The following KARS1 variants were observed in gnomAD, a reference collection of about 807,000 sequenced individuals.
KARS1 encodes the protein lysine--tRNA ligase.
Under a neutral mutation model 63.9 loss-of-function variants are expected in KARS1, and 50 were observed. That is an observed-to-expected ratio of 0.78 (90% confidence interval 0.62 to 0.99). The LOEUF is 0.99. KARS1 is among the 50% of genes least tolerant of loss of function. The pLI, the probability that KARS1 is intolerant of heterozygous loss-of-function variation, is 0.00. For missense variants in KARS1, 816 were observed against 754.5 expected (o/e 1.08, Z -0.95); for synonymous variants, 320 against 264.6 (o/e 1.21, Z -2.03).
chr16:75,645,957 T>G (rs2082278161), intron 1 of KARS1, among the ~76,000 whole-genome samples: 1 of 151,980 alleles, frequency 6.6e-6, no homozygotes, highest in Non-Finnish European at 1.5e-5. Flanking sequence ...TATACAGTCC[T>G]AAAGTTCAAT....
chr16:75,641,453 AG>A, intron 2 of KARS1, 110 bp downstream of exon 2: 1 of 876,334 alleles, frequency 1.1e-6, no homozygotes, highest in Non-Finnish European at 1.8e-6. Context: ...TATCCCTGGC[AG>A]TGACCTCAGG....
chr16:75,629,624 G>C (rs190496099), intron 11 of KARS1, 83 bp from the exon 12 acceptor site: 2 of 1,431,544 alleles, frequency 1.4e-6, no homozygotes, highest in East Asian at 2.4e-5. Flanking sequence ...TTTTGAGACG[G>C]AGTCTCGCTC....
intron 13 of KARS1, 152 bp downstream of exon 13, chr16:75,628,417 G>T: frequency 2.4e-6 from 2 of 846,050 alleles, no homozygotes; most frequent in Non-Finnish European, 3.9e-6. Flanking sequence ...CAGAGGCTCT[G>T]GCCCTCCTGT....
At position 75,634,280 on chromosome 16, in the gene KARS1, T is replaced by A. The variant is rs953600279; in HGVS notation, c.808A>T (p.Met270Leu). The change falls in exon 7 of 14, where the codon ATG becomes TTG. Residue 270 changes from methionine (M) to leucine (L), a missense_variant. By Grantham distance (15) the Met-to-Leu change is conservative. Coordinates refer to ENST00000302445, the MANE Select transcript of KARS1 (RefSeq NM_005548.3). Reference protein sequence around the residue: ...ELGFLEIETPMMNIIPGGAVA... With the variant: ...ELGFLEIETPLMNIIPGGAVA... Reference sequence around the variant, plus strand: ...GCTCCCCCTGGGATGATGTTCATCATGGGAGTTTCAATCTAAAAAAGGCAG... The same window carrying A: ...GCTCCCCCTGGGATGATGTTCATCAAGGGAGTTTCAATCTAAAAAAGGCAG... 6.2e-7 allele frequency: 1 copy of A among 1,614,038 alleles called. No homozygotes were observed. The highest frequency in any genetic ancestry group is 8.5e-7 in the Non-Finnish European group (1 of 1,179,930).
At chr16:75,632,208 T>C (rs2082122186) in intron 7 of KARS1, among the ~76,000 whole-genome samples, 2 of 152,168 alleles carry the variant, frequency 1.3e-5, no homozygotes, top group Admixed American at 1.3e-4. Flanking sequence ...GCTAATCTTG[T>C]ATTAACAGCT....
At chr16:75,631,294 C>T (rs372028053) in intron 9 of KARS1, 41 bp from the exon 10 acceptor site, 7 of 1,592,538 alleles carry the variant, frequency 4.4e-6, no homozygotes, top group African/African-American at 2.7e-5. Flanking sequence ...AGACATCACA[C>T]TAGCCAAGTA....
intron 7 of KARS1, among the ~76,000 whole-genome samples, chr16:75,632,819 G>C (rs1234180056): frequency 6.6e-6 from 1 of 152,176 alleles, no homozygotes; most frequent in Non-Finnish European, 1.5e-5. Flanking sequence ...GGAAATATTG[G>C]GGAAAGTTAT....
intron 3 of KARS1, among the ~76,000 whole-genome samples, chr16:75,638,984 A>G (rs1442452198): frequency 2.0e-5 from 3 of 151,858 alleles, no homozygotes; most frequent in Non-Finnish European, 4.4e-5. Context: ...CCTGGCCAAC[A>G]TGGTGAAACT....
intron 9 of KARS1, 28 bp from the exon 10 acceptor site, chr16:75,631,281 A>C: frequency 6.2e-7 from 1 of 1,601,982 alleles, no homozygotes; most frequent in South Asian, 1.1e-5. Context: ...AAGTTAGGGC[A>C]GGAGACATCA....
chr16:75,632,867 TACGTAGCTTGTAATAACTGAACAGGCTG>T (rs1392065930), intron 7 of KARS1, among the ~76,000 whole-genome samples: 1 of 152,176 alleles, frequency 6.6e-6, no homozygotes, highest in Non-Finnish European at 1.5e-5. Flanking sequence ...GCCGAAAGGT[TACGTAGCTTGTAATAACTGAACAGGCTG>T]AAGGCAGCCA....
At chr16:75,631,925 T>C in intron 7 of KARS1, 70 bp from the exon 8 acceptor site, 4 of 1,582,230 alleles carry the variant, frequency 2.5e-6, no homozygotes, top group Non-Finnish European at 3.5e-6. Flanking sequence ...TTTGCTCTTG[T>C]TGCCTAGGCT....
chr16:75,628,634 T>C lies in KARS1; in HGVS notation c.1630A>G (p.Thr544Ala). 1 of 1,614,048 alleles carries C rather than the reference T, an allele frequency of 6.2e-7. No individual in the cohort carries two copies. The highest frequency in any genetic ancestry group is 1.1e-5 in the South Asian group (1 of 91,082). ...TCAATGCCCATGCCCCAGCCAGCTG[T>C]GGGGGGCAGCCCATATTCCAGGGCA... is the stretch of plus-strand genomic sequence containing the variant. ...CTALEYGLPPTAGWGMGIDRV... is the reference protein window; with the variant it reads ...CTALEYGLPPAAGWGMGIDRV... Residue 544 changes from threonine to alanine, a missense_variant, in exon 13 of 14, where the codon ACA becomes GCA. Thr to Ala is a moderately conservative substitution (Grantham distance 58). Coordinates refer to ENST00000302445, the MANE Select transcript of KARS1 (RefSeq NM_005548.3).
At chr16:75,633,022 G>A (rs747609821) in intron 7 of KARS1, among the ~76,000 whole-genome samples, 1 of 152,100 alleles carries the variant, frequency 6.6e-6, no homozygotes, top group Non-Finnish European at 1.5e-5. Flanking sequence ...TGGCCCTCTT[G>A]GGGGGAGGTT....
intron 2 of KARS1, among the ~76,000 whole-genome samples, chr16:75,640,655 A>ATTTG (rs2082214364): frequency 1.3e-5 from 2 of 152,320 alleles, no homozygotes; most frequent in East Asian, 3.9e-4. Context: ...TGTAGACCAC[A>ATTTG]TTTGCATGGT....
intron 3 of KARS1, among the ~76,000 whole-genome samples, chr16:75,636,959 TGGTCAGGGC>T (rs2082169444): frequency 7.3e-6 from 1 of 137,770 alleles, no homozygotes. Context: ...TTTTTTTTTT[TGGTCAGGGC>T]ACAATGCAAA....
At chr16:75,630,563 T>C (rs2082100717) in intron 10 of KARS1, 55 bp from the exon 11 acceptor site, 1 of 1,126,352 alleles carries the variant, frequency 8.9e-7, no homozygotes, top group African/African-American at 1.5e-5. Flanking sequence ...TATTTGATCG[T>C]CCCAGCCCAG....
intron 6 of KARS1, 110 bp from the exon 7 acceptor site, chr16:75,634,402 T>A: frequency 8.9e-7 from 1 of 1,119,690 alleles, no homozygotes; most frequent in Non-Finnish European, 1.3e-6. Flanking sequence ...AACTAAATGT[T>A]AATAAGTTCA....
intron 1 of KARS1, 140 bp downstream of exon 1, chr16:75,647,438 G>C (rs2082300437): frequency 2.4e-6 from 2 of 823,890 alleles, no homozygotes; most frequent in Non-Finnish European, 4.1e-6. Flanking sequence ...GCAGGGCGCA[G>C]CCACCACGTC....
In KARS1 at chr16:75,636,474, C is replaced by G; in HGVS notation, c.462G>C (p.Leu154Phe). The change falls in exon 4 of 14, where the codon TTG (leucine) becomes TTC (phenylalanine). Residue 154 changes from leucine (L) to phenylalanine (F), a missense_variant. Coordinates refer to ENST00000302445, the MANE Select transcript of KARS1 (RefSeq NM_005548.3). The part of the protein sequence containing the change: ...FYDLRGEGVK[L>F]QVMANSRNYK... ...GATACCTGGAATTGGCCATGACTTG[C>G]AACTTCACCCCCTCTCCTCGAAGAT... 1 of 1,612,742 alleles carries G rather than the reference C, an allele frequency of 6.2e-7. No homozygotes were observed. Among genetic ancestry groups the G allele is most frequent in the Non-Finnish European group, 8.5e-7 (1 of 1,178,770 alleles).
Sources: gnomAD v4.1 joint callset for allele counts (sites outside exome capture counted in the v4.1 genomes callset) on GRCh38, gnomAD v4.1.1 for gene constraint, MANE v1.5 for transcripts, NCBI Gene and HGNC (gene_info 2026-07-23, HGNC 2026-07-21) for gene names.